TMEM232: variants seen among roughly 807,000 people sequenced by gnomAD.
TMEM232 encodes the protein transmembrane protein 232.
TMEM232 carries 80 observed loss-of-function variants against 78.8 expected under a neutral mutation model. That is an observed-to-expected ratio of 1.01 (90% CI 0.85 to 1.22). The LOEUF (loss-of-function observed/expected upper bound fraction) is 1.22, where lower values mean the gene tolerates loss of function less well. Among genes scored for constraint, TMEM232 ranks in the 50% most tolerant of loss-of-function variants. TMEM232 has a pLI of 0.00. For synonymous variants in TMEM232, 297 were observed against 254.3 expected, an observed-to-expected ratio of 1.17 and a Z score of -1.60; for missense variants, 881 against 742.2, an observed-to-expected ratio of 1.19 and a Z score of -2.17.
At chr5:110,587,679 ATATATATATATATGTGTGTGTGTG>A (rs1344515854) in intron 10 of TMEM232, among the ~76,000 whole-genome samples, 19 of 98,728 alleles carry the variant, frequency 1.9e-4, no homozygotes, top group Middle Eastern at 4.3e-3. Context: ...ATATATATAT[ATATATATATATATGTGTGTGTGTG>A]TGTGTGTGTG....
intron 2 of TMEM232, among the ~76,000 whole-genome samples, chr5:110,652,884 A>C (rs766912274): frequency 1.3e-5 from 2 of 152,220 alleles, no homozygotes; most frequent in Non-Finnish European, 2.9e-5. Flanking sequence ...AGTCCTGTGG[A>C]ACACACAGTA....
chr5:110,551,893 T>G (rs1156493803), intron 11 of TMEM232, among the ~76,000 whole-genome samples: 1 of 152,098 alleles, frequency 6.6e-6, no homozygotes, highest in Non-Finnish European at 1.5e-5. Context: ...TATGCATAAG[T>G]ATGCATATAG....
chr5:110,716,467 A>G (rs886786024), intron 1 of TMEM232, among the ~76,000 whole-genome samples: 20 of 152,130 alleles, frequency 1.3e-4, no homozygotes, highest in African/African-American at 4.8e-4. Flanking sequence ...GCGATGGGAG[A>G]CAGTGACAGA....
chr5:110,404,918 TG>T (rs1474040910), intron 2 of TMEM232, among the ~76,000 whole-genome samples: 8 of 152,058 alleles, frequency 5.3e-5, no homozygotes, highest in Non-Finnish European at 1.2e-4. Flanking sequence ...GACACAGTGA[TG>T]GCAGGAGATA....
At chr5:110,677,791 TTGA>T (rs1393072086) in intron 1 of TMEM232, among the ~76,000 whole-genome samples, 1 of 152,192 alleles carries the variant, frequency 6.6e-6, no homozygotes, top group Admixed American at 6.5e-5. Flanking sequence ...CATTCTTAAA[TTGA>T]TGATATTTGA....
intron 1 of TMEM232, among the ~76,000 whole-genome samples, chr5:110,676,445 G>C (rs1165434836): frequency 6.6e-6 from 1 of 151,420 alleles, no homozygotes; most frequent in African/African-American, 2.4e-5. Context: ...ACCCAGGCTG[G>C]AGTGCACTGG....
chr5:110,580,214 A>T (rs1778023884), intron 10 of TMEM232, among the ~76,000 whole-genome samples: 1 of 151,792 alleles, frequency 6.6e-6, no homozygotes, highest in Non-Finnish European at 1.5e-5. Flanking sequence ...CATATATGAC[A>T]GTTGTCCCAT....
intron 10 of TMEM232, among the ~76,000 whole-genome samples, chr5:110,597,069 C>T (rs1379604997): frequency 2.0e-5 from 3 of 152,134 alleles, no homozygotes; most frequent in African/African-American, 4.8e-5. Context: ...AAGAGGAAGT[C>T]AAATTGTCCC....
intron 11 of TMEM232, among the ~76,000 whole-genome samples, chr5:110,547,047 G>A (rs1296989846): frequency 6.6e-6 from 1 of 151,906 alleles, no homozygotes. Flanking sequence ...ACTGTAAGAT[G>A]TGCTTAATTC....
chr5:110,405,470 A>G (rs1375798956), intron 2 of TMEM232, among the ~76,000 whole-genome samples: 1 of 152,062 alleles, frequency 6.6e-6, no homozygotes. Flanking sequence ...TCCGGGTATT[A>G]GATTAGGCAG....
At chr5:110,532,530 C>T (rs952445811) in intron 11 of TMEM232, among the ~76,000 whole-genome samples, 2 of 152,016 alleles carry the variant, frequency 1.3e-5, no homozygotes, top group African/African-American at 4.8e-5. Flanking sequence ...CTCCCCAACT[C>T]TGGTGCCAAC....
intron 13 of TMEM232, among the ~76,000 whole-genome samples, chr5:110,423,030 G>A (rs1756840367): frequency 6.6e-6 from 1 of 152,120 alleles, no homozygotes; most frequent in Admixed American, 6.5e-5. Flanking sequence ...TATCTCCTAA[G>A]CAATGAGGTA....
At chr5:110,586,051 C>T (rs72771443) in intron 10 of TMEM232, among the ~76,000 whole-genome samples, 19,269 of 152,072 alleles carry the variant, frequency 0.13, 1,257 homozygotes, top group Admixed American at 0.15. Context: ...GGAAGGGGGA[C>T]AGTGGAGAGA....
intron 12 of TMEM232, among the ~76,000 whole-genome samples, chr5:110,458,817 A>T (rs1761171769): frequency 6.6e-6 from 1 of 152,102 alleles, no homozygotes; most frequent in African/African-American, 2.4e-5. Flanking sequence ...TGAAATAATG[A>T]GTTTATTGTT....
downstream of TMEM232, among the ~76,000 whole-genome samples, chr5:110,415,393 T>C (rs2112589193): frequency 6.6e-6 from 1 of 152,066 alleles, no homozygotes; most frequent in South Asian, 2.1e-4. Context: ...TTTCACTGTG[T>C]TAGCCAAGAT....
Position 110,720,925 on chromosome 5 carries a change from G to C in TMEM232, c.-13+5702C>G, listed in dbSNP as rs532592818. The C allele has an allele frequency of 2.0e-5, 3 of 152,094 alleles. No individual in the cohort carries two copies. The South Asian group carries it at 6.2e-4, about 32-fold the overall frequency. 9.4% of individuals were successfully genotyped at this position (152,094 alleles called of 1,614,324 possible). ...TTAAATTTTAAACTGGAAAAAATAG[G>C]TAAGAACAAAATAGGGTAAGAAAGT... is the stretch of plus-strand genomic sequence containing the variant. On this transcript the variant is annotated intron_variant, in intron 1 of 13. Coordinates refer to ENST00000455884, the MANE Select transcript of TMEM232 (RefSeq NM_001039763.4).
chr5:110,679,275 TTATGA>T (rs1792414889), intron 1 of TMEM232, among the ~76,000 whole-genome samples: 1 of 152,224 alleles, frequency 6.6e-6, no homozygotes, highest in Non-Finnish European at 1.5e-5. Flanking sequence ...CTCTGATGAC[TTATGA>T]TATAGAGTAT....
In TMEM232 at chr5:110,434,001, GT is replaced by G. The variant is rs913325637; in HGVS notation, c.1704-9086del. Among the ~76,000 whole-genome samples, 10 of 151,866 alleles carry G rather than the reference GT, an allele frequency of 6.6e-5. No homozygotes were observed. In the South Asian group the frequency reaches 8.3e-4, roughly 13 times the overall value. ...GGATGATACTAGTATTATAGAATGA[GT>G]TAAGGAGGTATCTTTCCTCCTTGAT... is the stretch of plus-strand genomic sequence containing the variant. On this transcript the variant is annotated intron_variant, in intron 12 of 13. Coordinates refer to ENST00000455884, the MANE Select transcript of TMEM232 (RefSeq NM_001039763.4).
At chr5:110,700,497 G>A (rs970634473) in intron 1 of TMEM232, among the ~76,000 whole-genome samples, 9 of 151,954 alleles carry the variant, frequency 5.9e-5, no homozygotes, top group Non-Finnish European at 1.2e-4. Flanking sequence ...GCAACTCACT[G>A]GTCAGATATG....
Sources: allele counts gnomAD v4.1 joint callset (sites outside exome capture counted in the v4.1 genomes callset), GRCh38; gene constraint gnomAD v4.1.1; transcripts MANE v1.5; gene names NCBI Gene and HGNC (gene_info 2026-07-23, HGNC 2026-07-21).